The following RFX3 variants were observed in gnomAD, a reference collection of about 807,000 sequenced individuals.
The protein encoded by RFX3 is transcription factor RFX3.
A neutral mutation model predicts 98.6 loss-of-function variants in RFX3; 14 were observed. The ratio of observed to expected loss-of-function variants is 0.14; its 90% CI spans 0.09 to 0.22. The LOEUF (loss-of-function observed/expected upper bound fraction) is 0.22. Ranked by LOEUF, RFX3 falls within the 10% of genes least tolerant of loss-of-function variation. The pLI, the probability that RFX3 is intolerant of heterozygous loss-of-function variation, is 1.00. For synonymous variants in RFX3, 383 were observed against 328.4 expected (o/e 1.17, Z -1.80); for missense variants, 639 against 926.9 (o/e 0.69, Z 4.03).
intron 2 of RFX3, among the ~76,000 whole-genome samples, chr9:3,347,879 A>T (rs561096571): frequency 6.6e-6 from 1 of 152,186 alleles, no homozygotes; most frequent in Admixed American, 6.5e-5. Flanking sequence ...AAATATTTTC[A>T]TTTGTATTTC....
At chr9:3,310,370 G>T (rs1484238458) in intron 4 of RFX3, among the ~76,000 whole-genome samples, 1 of 152,108 alleles carries the variant, frequency 6.6e-6, no homozygotes, top group African/African-American at 2.4e-5. Flanking sequence ...AAGGCAGGAA[G>T]AAAAAGAACA....
intron 13 of RFX3, 37 bp downstream of exon 13, chr9:3,262,898 T>G: frequency 6.2e-7 from 1 of 1,603,180 alleles, no homozygotes; most frequent in Non-Finnish European, 8.5e-7. Context: ...TTGGGTATCT[T>G]TCCTTAAGAG....
chr9:3,509,372 A>T lies in RFX3; in HGVS notation c.-9+16375T>A, dbSNP rs540723934. Among the ~76,000 whole-genome samples, 151 of 152,130 alleles carry T rather than the reference A, an allele frequency of 9.9e-4. 2 individuals carry two copies. The South Asian group carries it at 0.029, about 29-fold the overall frequency. On this transcript the variant is annotated intron_variant, in intron 1 of 16. Coordinates refer to ENST00000617270, the MANE Select transcript of RFX3 (RefSeq NM_001282116.2). ...AAATGAATGTTTACAAAAATTCTTA[A>T]AACAATTAAAAGCACCTTTACCCTC...
At chr9:3,295,092 T>A (rs182102976) in intron 5 of RFX3, among the ~76,000 whole-genome samples, 52 of 152,202 alleles carry the variant, frequency 3.4e-4, no homozygotes, top group African/African-American at 1.2e-3. Context: ...ACACACAGAA[T>A]AGGTTTGCTA....
chr9:3,518,544 T>C (rs1251339133), intron 1 of RFX3, among the ~76,000 whole-genome samples: 1 of 152,286 alleles, frequency 6.6e-6, no homozygotes, highest in African/African-American at 2.4e-5. Flanking sequence ...AATTCTCAAC[T>C]GAAATATATA....
chr9:3,316,913 G>A (rs1346065121), intron 4 of RFX3, among the ~76,000 whole-genome samples: 1 of 152,284 alleles, frequency 6.6e-6, no homozygotes, highest in East Asian at 1.9e-4. Flanking sequence ...TGGATAGGAA[G>A]AATCAATATC....
intron 2 of RFX3, among the ~76,000 whole-genome samples, chr9:3,347,939 A>C (rs1834628468): frequency 6.6e-6 from 1 of 152,234 alleles, no homozygotes; most frequent in Admixed American, 6.5e-5. Context: ...TCATTTATGA[A>C]ACATTAACTA....
At chr9:3,477,308 G>A (rs138402920) in intron 1 of RFX3, among the ~76,000 whole-genome samples, 3 of 152,110 alleles carry the variant, frequency 2.0e-5, no homozygotes, top group African/African-American at 7.2e-5. Context: ...TCTTCACACG[G>A]ATTAAAATTT....
chr9:3,512,931 A>G (rs1331267443), intron 1 of RFX3, among the ~76,000 whole-genome samples: 1 of 151,996 alleles, frequency 6.6e-6, no homozygotes, highest in East Asian at 1.9e-4. Context: ...ATTCCCAAAT[A>G]TCGTTATGTC....
At position 3,346,594 on chromosome 9, in the gene RFX3, G is replaced by C. The variant is rs1834463846; in HGVS notation, c.215+73C>G. The C allele has an allele frequency of 2.2e-6, 2 of 896,722 alleles. 1 individual carries two copies. The highest frequency in any genetic ancestry group is 3.4e-5 in the Admixed American group (2 of 58,014). 55.5% of individuals were successfully genotyped at this position (896,722 alleles called of 1,614,324 possible). A position where few individuals can be genotyped will look rare whatever the true frequency, so the allele number is the denominator to read the frequency against. On this transcript the variant is annotated intron_variant, in intron 3 of 16. Coordinates refer to ENST00000617270, the MANE Select transcript of RFX3 (RefSeq NM_001282116.2). ...AAAACAAGGAAACAATCTGGGAATAGTGGGAGGTGTTCAAAAGTACATTAT... is the reference window on the plus strand; with the variant it reads ...AAAACAAGGAAACAATCTGGGAATACTGGGAGGTGTTCAAAAGTACATTAT...
chr9:3,292,084 A>AAC (rs1827448537), intron 6 of RFX3, among the ~76,000 whole-genome samples: 2 of 143,386 alleles, frequency 1.4e-5, no homozygotes, highest in Admixed American at 6.9e-5. Context: ...AAAAAAAAAA[A>AAC]AAAAAAAAAA....
intron 16 of RFX3, among the ~76,000 whole-genome samples, chr9:3,227,306 A>G (rs1443358631): frequency 1.3e-5 from 2 of 152,134 alleles, no homozygotes; most frequent in Non-Finnish European, 2.9e-5. Flanking sequence ...TGGACGATTT[A>G]AGTGTTCCAG....
intron 1 of RFX3, among the ~76,000 whole-genome samples, chr9:3,499,797 T>C (rs1389838898): frequency 6.6e-6 from 1 of 152,128 alleles, no homozygotes. Flanking sequence ...ACTATGAAAA[T>C]CTATCCAGGA....
chr9:3,514,441 T>TGTTTC (rs1817947694), intron 1 of RFX3, among the ~76,000 whole-genome samples: 1 of 145,184 alleles, frequency 6.9e-6, no homozygotes, highest in African/African-American at 2.8e-5. Flanking sequence ...AACCAAGTTG[T>TGTTTC]GTTTTGTTTT....
intron 1 of RFX3, among the ~76,000 whole-genome samples, chr9:3,446,095 GAT>G (rs1846024164): frequency 1.3e-5 from 2 of 152,054 alleles, no homozygotes; most frequent in South Asian, 4.1e-4. Context: ...CCCGATGCCT[GAT>G]ATATGAGAAC....
chr9:3,505,094 T>C (rs1816796292), intron 1 of RFX3, among the ~76,000 whole-genome samples: 1 of 96,168 alleles, frequency 1.0e-5, no homozygotes, highest in South Asian at 3.5e-4. Context: ...ATATTTTATA[T>C]ATTTAGATTT....
At chr9:3,424,699 A>G (rs1843838704) in intron 1 of RFX3, among the ~76,000 whole-genome samples, 1 of 152,096 alleles carries the variant, frequency 6.6e-6, no homozygotes, top group African/African-American at 2.4e-5. Context: ...GAAACTATGT[A>G]TTCAGTTTTT....
At chr9:3,417,444 A>G (rs1843079357) in intron 1 of RFX3, among the ~76,000 whole-genome samples, 2 of 152,268 alleles carry the variant, frequency 1.3e-5, no homozygotes, top group East Asian at 1.9e-4. Flanking sequence ...AATCTCAATG[A>G]ATTTTAAAGG....
chr9:3,240,197 A>G (rs1011323926), intron 15 of RFX3, among the ~76,000 whole-genome samples: 3 of 152,188 alleles, frequency 2.0e-5, no homozygotes, highest in African/African-American at 7.2e-5. Flanking sequence ...TTATCAAGAC[A>G]TATTTGTCAA....
Sources: allele counts gnomAD v4.1 joint callset (sites outside exome capture counted in the v4.1 genomes callset), GRCh38; gene constraint gnomAD v4.1.1; transcripts MANE v1.5; gene names NCBI Gene and HGNC (gene_info 2026-07-23, HGNC 2026-07-21).